The following RET variants were observed in gnomAD, a reference collection of about 807,000 sequenced individuals.
RET encodes proto-oncogene tyrosine-protein kinase receptor Ret.
Under a neutral mutation model 118.3 loss-of-function variants are expected in RET, and 19 were observed. That is an observed-to-expected ratio of 0.16 (90% CI 0.11 to 0.24). The LOEUF (loss-of-function observed/expected upper bound fraction) is 0.24, where lower values mean the gene tolerates loss of function less well. RET is among the 10% of genes least tolerant of loss of function. The pLI, the probability that RET is intolerant of heterozygous loss-of-function variation, is 1.00. For missense variants in RET, 1,219 were observed against 1,502.1 expected (o/e 0.81, Z 3.12); for synonymous variants, 597 against 644.1 (o/e 0.93, Z 1.11).
intron 1 of RET, among the ~76,000 whole-genome samples, chr10:43,094,428 A>G (rs889501741): frequency 5.9e-5 from 9 of 152,194 alleles, no homozygotes; most frequent in Non-Finnish European, 1.2e-4. Flanking sequence ...CTTCTAATTC[A>G]TGCAGTTTTT....
In RET at chr10:43,106,208, C is replaced by T. The variant is rs937461198; in HGVS notation, c.868-168C>T. On this transcript the variant is annotated intron_variant, in intron 4 of 19. Coordinates refer to ENST00000355710, the MANE Select transcript of RET (RefSeq NM_020975.6). The surrounding 1 kb of genome is among the most constrained non-coding windows in gnomAD (Gnocchi z 5.1). Reference sequence around the variant, plus strand: ...TGACGGCCAGGCTGGCCAGTGACCCCGTGGGAACTTGAACCCAGGTCAGAC... The same window carrying T: ...TGACGGCCAGGCTGGCCAGTGACCCTGTGGGAACTTGAACCCAGGTCAGAC... Among the ~76,000 whole-genome samples, 4 of 152,206 alleles carry T rather than the reference C, an allele frequency of 2.6e-5. No homozygotes were observed. The highest frequency in any genetic ancestry group is 4.8e-5 in the African/African-American group (2 of 41,440).
chr10:43,104,906 G>C lies in RET; in HGVS notation c.626-46G>C, dbSNP rs772931219. On this transcript the variant is annotated intron_variant, in intron 3 of 19. Coordinates refer to ENST00000355710, the MANE Select transcript of RET (RefSeq NM_020975.6). ...CTTCCCGAGGAAAGCGGCTGGCCCG[G>C]TCCCGGCTGGTGATCACGCGGGGCC... 4 of 1,539,966 alleles carry C rather than the reference G, an allele frequency of 2.6e-6. No homozygotes were observed. In the African/African-American group the frequency reaches 4.1e-5, roughly 16 times the overall value.
At chr10:43,077,804 C>A (rs1021407248) in intron 1 of RET, among the ~76,000 whole-genome samples, 3 of 152,228 alleles carry the variant, frequency 2.0e-5, no homozygotes, top group African/African-American at 7.2e-5. Context: ...GTGCGTTCCT[C>A]CCCCAGCTCT....
chr10:43,112,256 C>T (rs2132802964), intron 8 of RET, 32 bp downstream of exon 8: 1 of 1,550,570 alleles, frequency 6.4e-7, no homozygotes, highest in South Asian at 1.2e-5. Context: ...GGGAGGCCTG[C>T]AGGGGCGATG....
intron 1 of RET, among the ~76,000 whole-genome samples, chr10:43,083,054 G>A (rs1837219527): frequency 6.6e-6 from 1 of 152,190 alleles, no homozygotes. Flanking sequence ...GCCCCAGGAA[G>A]CCTAACACTT....
At chr10:43,124,611 G>A (rs1258015468) in intron 17 of RET, among the ~76,000 whole-genome samples, 2 of 152,228 alleles carry the variant, frequency 1.3e-5, no homozygotes, top group Non-Finnish European at 2.9e-5. Flanking sequence ...AAGTAAAAAT[G>A]AATCTCCCTT....
At chr10:43,119,440 G>A in intron 13 of RET, 91 bp from the exon 14 acceptor site, 1 of 1,086,966 alleles carries the variant, frequency 9.2e-7, no homozygotes, top group East Asian at 2.6e-5. Context: ...GGGTGGCCGG[G>A]CCTGGGGACC....
At chr10:43,120,259 G>T in intron 15 of RET, 56 bp downstream of exon 15, 1 of 1,605,858 alleles carries the variant, frequency 6.2e-7, no homozygotes, top group Non-Finnish European at 8.5e-7. Context: ...GCACCATGGG[G>T]CAGGCAGTGC....
At chr10:43,104,863 C>A (rs2132701296) in intron 3 of RET, 89 bp from the exon 4 acceptor site, 1 of 1,507,324 alleles carries the variant, frequency 6.6e-7, no homozygotes. Context: ...GTGCGCCCCG[C>A]TCTGACCGCA....
intron 1 of RET, among the ~76,000 whole-genome samples, chr10:43,098,714 G>A (rs972165864): frequency 8.5e-5 from 13 of 152,174 alleles, no homozygotes; most frequent in East Asian, 1.9e-4. Flanking sequence ...GAGCCACTGC[G>A]CCCGGCCAGA....
At chr10:43,127,212 T>C in intron 19 of RET, 1 of 1,083,186 alleles carries the variant, frequency 9.2e-7, no homozygotes, top group Non-Finnish European at 1.1e-6. Context: ...CACCCGGCAC[T>C]GGCGAGCAGC....
At chr10:43,104,809 C>T in intron 3 of RET, 143 bp from the exon 4 acceptor site, 1 of 1,288,528 alleles carries the variant, frequency 7.8e-7, no homozygotes, top group South Asian at 1.4e-5. Context: ...GAGCGCTGCC[C>T]TCCCCTGTGG....
intron 1 of RET, among the ~76,000 whole-genome samples, chr10:43,078,171 G>A (rs1837093505): frequency 6.6e-6 from 1 of 152,234 alleles, no homozygotes; most frequent in Admixed American, 6.5e-5. Context: ...GGCAGAGTGA[G>A]CCGCAAGGCT....
Position 43,121,939 on chromosome 10 carries a change from T to G in RET, c.2731-7T>G. ...ACTTCAATGTCTTTATTCCATCTTC[T>G]CTTTAGGGTCGGATTCCAGTTAAAT... On this transcript the variant is annotated splice_region_variant and splice_polypyrimidine_tract_variant and intron_variant, in intron 15 of 19. Transcript: ENST00000355710. 1 of 1,608,924 alleles carries G rather than the reference T, an allele frequency of 6.2e-7. No individual in the cohort carries two copies. The highest frequency in any genetic ancestry group is 1.1e-5 in the South Asian group (1 of 90,990).
intron 14 of RET, 87 bp downstream of exon 14, chr10:43,119,832 C>T (rs1161615543): frequency 1.4e-6 from 2 of 1,418,198 alleles, no homozygotes; most frequent in East Asian, 4.7e-5. Context: ...CCCTGGCCTG[C>T]CACTCCCCCA....
chr10:43,090,441 T>C (rs2435345), intron 1 of RET, among the ~76,000 whole-genome samples: 58,802 of 151,978 alleles, frequency 0.39, 11,683 homozygotes, highest in South Asian at 0.51. Flanking sequence ...ACTGGGCCGC[T>C]TCTGGGCGCT....
chr10:43,121,597 A>G (rs1056583473), intron 15 of RET, among the ~76,000 whole-genome samples: 1 of 152,176 alleles, frequency 6.6e-6, no homozygotes, highest in African/African-American at 2.4e-5. Flanking sequence ...TGGTTTCCCA[A>G]ACACATTGGC....
intron 13 of RET, 83 bp downstream of exon 13, chr10:43,118,563 C>T (rs1838129374): frequency 2.0e-6 from 2 of 991,740 alleles, no homozygotes; most frequent in Non-Finnish European, 1.6e-6. Flanking sequence ...CTCTTTCTCC[C>T]TTTCCCTACT....
chr10:43,107,345 C>G (rs897461356), intron 5 of RET, among the ~76,000 whole-genome samples: 1 of 152,188 alleles, frequency 6.6e-6, no homozygotes, highest in South Asian at 2.1e-4. Flanking sequence ...AGTGCCCCTC[C>G]CATCATTGTT....
Sources: gnomAD v4.1 joint callset for allele counts (sites outside exome capture counted in the v4.1 genomes callset) on GRCh38, gnomAD v4.1.1 for gene constraint, Gnocchi (gnomAD v3.1) non-coding constraint, MANE v1.5 for transcripts, NCBI Gene and HGNC (gene_info 2026-07-23, HGNC 2026-07-21) for gene names.